CAMTA1: variants seen among roughly 807,000 people sequenced by gnomAD.
The protein encoded by CAMTA1 is calmodulin-binding transcription activator 1.
CAMTA1 carries 27 observed loss-of-function variants against 170.9 expected under a neutral mutation model. The observed-to-expected ratio is 0.16, with a 90% CI of 0.12 to 0.22. The LOEUF is 0.22. Ranked by LOEUF, CAMTA1 falls within the 10% of genes least tolerant of loss-of-function variation. The probability of loss-of-function intolerance (pLI) is 1.00; values close to 1 mark genes in which losing one functional copy is unlikely to be tolerated. For missense variants in CAMTA1, 1,619 were observed against 2,217.2 expected (o/e 0.73, Z 5.42); for synonymous variants, 833 against 891.5 (o/e 0.93, Z 1.17).
rs542599607 is a variant in CAMTA1 at position 7,561,539 on chromosome 1, G to C, written c.511-78861G>C. ...AGAGGTGAGAGAAAGCCTCTTGCCT[G>C]TAAACTCGTTGCAGGCGCAGGGATG... On this transcript the variant is annotated intron_variant, in intron 6 of 22. Transcript: ENST00000303635. This position sits in a 1 kb window ranked among gnomAD's most constrained non-coding sequence, Gnocchi z 5.3. 2.0e-5 allele frequency among the ~76,000 whole-genome samples: 3 copies of C among 152,006 alleles called. No individual in the cohort carries two copies. Among genetic ancestry groups the C allele is most frequent in the African/African-American group, 7.2e-5 (3 of 41,486 alleles).
chr1:7,724,272 GTTTCAAGT>G (rs1417549880), intron 11 of CAMTA1, among the ~76,000 whole-genome samples: 2 of 152,276 alleles, frequency 1.3e-5, no homozygotes, highest in East Asian at 3.9e-4. Context: ...GCTAAAATCG[GTTTCAAGT>G]CTTTAATTTA....
intron 1 of CAMTA1, among the ~76,000 whole-genome samples, chr1:6,817,022 G>A (rs1457943450): frequency 6.6e-6 from 1 of 152,200 alleles, no homozygotes; most frequent in Non-Finnish European, 1.5e-5. Context: ...ATTATGCAGT[G>A]CTGTGGAGAG....
chr1:7,375,016 T>C (rs2086737819), intron 5 of CAMTA1, among the ~76,000 whole-genome samples: 1 of 152,134 alleles, frequency 6.6e-6, no homozygotes, highest in African/African-American at 2.4e-5. Context: ...TGGGCTAACC[T>C]GGTGGATGCG....
At chr1:6,951,723 C>T (rs1228904026) in intron 3 of CAMTA1, among the ~76,000 whole-genome samples, 4 of 152,124 alleles carry the variant, frequency 2.6e-5, no homozygotes, top group Non-Finnish European at 5.9e-5. Flanking sequence ...GTCCAGGGTC[C>T]GGAGCCTTCC....
intron 6 of CAMTA1, among the ~76,000 whole-genome samples, chr1:7,518,600 G>A (rs922768175): frequency 6.6e-6 from 1 of 151,984 alleles, no homozygotes; most frequent in Non-Finnish European, 1.5e-5. Flanking sequence ...CGCCCACACT[G>A]CCCTCAGGAG....
chr1:7,432,152 G>A (rs755219140), intron 5 of CAMTA1, among the ~76,000 whole-genome samples: 11 of 152,296 alleles, frequency 7.2e-5, no homozygotes, highest in African/African-American at 1.7e-4. Context: ...GGGAAGAGCC[G>A]GAGCTGTGAG....
intron 6 of CAMTA1, among the ~76,000 whole-genome samples, chr1:7,492,811 GCGCA>G (rs2093737690): frequency 1.6e-5 from 2 of 121,690 alleles, no homozygotes; most frequent in East Asian, 5.1e-4. Context: ...ATACACATGC[GCGCA>G]CAGACACACA....
intron 5 of CAMTA1, among the ~76,000 whole-genome samples, chr1:7,365,276 G>A (rs1042745786): frequency 2.6e-5 from 4 of 152,216 alleles, no homozygotes; most frequent in Non-Finnish European, 5.9e-5. Context: ...ACCCATTCAG[G>A]CATCAGAAAA....
At chr1:7,546,293 A>G (rs2094692328) in intron 6 of CAMTA1, among the ~76,000 whole-genome samples, 1 of 152,186 alleles carries the variant, frequency 6.6e-6, no homozygotes, top group African/African-American at 2.4e-5. Flanking sequence ...TGAGGATAAC[A>G]GCTTCCAGTT....
At chr1:7,660,890 G>A (rs1401350819) in intron 7 of CAMTA1, among the ~76,000 whole-genome samples, 3 of 152,220 alleles carry the variant, frequency 2.0e-5, no homozygotes, top group South Asian at 4.1e-4. Context: ...TCCATGTGCC[G>A]GACTCAGGAC....
intron 6 of CAMTA1, among the ~76,000 whole-genome samples, chr1:7,493,594 T>C (rs2796484): frequency 0.62 from 93,498 of 151,786 alleles, 29,672 homozygotes; most frequent in African/African-American, 0.77. Flanking sequence ...GATCCTTCTC[T>C]GACCTTTCTT....
intron 5 of CAMTA1, among the ~76,000 whole-genome samples, chr1:7,385,364 CA>C (rs1197633398): frequency 6.6e-6 from 1 of 152,178 alleles, no homozygotes; most frequent in Non-Finnish European, 1.5e-5. Context: ...GCAATATTTC[CA>C]GAACAAATAC....
chr1:7,520,059 T>TA (rs2094339907), intron 6 of CAMTA1, among the ~76,000 whole-genome samples: 1 of 149,442 alleles, frequency 6.7e-6, no homozygotes, highest in African/African-American at 2.5e-5. Flanking sequence ...GCAACTCCCC[T>TA]AGCAGAGCTC....
intron 4 of CAMTA1, among the ~76,000 whole-genome samples, chr1:7,164,615 C>T (rs1346087825): frequency 6.6e-6 from 1 of 152,220 alleles, no homozygotes; most frequent in Non-Finnish European, 1.5e-5. Context: ...CTGGTCAGAT[C>T]TCACAGGAAA....
rs74051097 is a variant in CAMTA1 at position 7,044,816 on chromosome 1, C to A, written c.235-46488C>A. Among the ~76,000 whole-genome samples, 287 of 151,508 alleles carry A rather than the reference C, an allele frequency of 1.9e-3. 1 individual carries two copies. Among genetic ancestry groups the A allele is most frequent in the African/African-American group, 6.8e-3 (282 of 41,256 alleles). The stretch of plus-strand genomic sequence containing the variant: ...CTCACGTCCTCTCCCCCACTCCCTC[C>A]TCTTCCCGCCTGTGGTTTTCTTTCC... On this transcript the variant is annotated intron_variant, in intron 3 of 22. Coordinates refer to ENST00000303635, the MANE Select transcript of CAMTA1 (RefSeq NM_015215.4). The surrounding 1 kb of genome is among the most constrained non-coding windows in gnomAD (Gnocchi z 5.0).
At chr1:7,119,692 C>G (rs1644533991) in intron 4 of CAMTA1, among the ~76,000 whole-genome samples, 1 of 152,176 alleles carries the variant, frequency 6.6e-6, no homozygotes, top group Non-Finnish European at 1.5e-5. Context: ...GACTGAATTT[C>G]TACCTTTGGA....
At chr1:7,217,643 T>G (rs1400584944) in intron 4 of CAMTA1, among the ~76,000 whole-genome samples, 1 of 152,136 alleles carries the variant, frequency 6.6e-6, no homozygotes, top group African/African-American at 2.4e-5. Flanking sequence ...ATATAAGAAA[T>G]TCTCATTTTT....
intron 6 of CAMTA1, among the ~76,000 whole-genome samples, chr1:7,493,998 G>A (rs1031911352): frequency 5.9e-5 from 9 of 152,262 alleles, no homozygotes; most frequent in Middle Eastern, 3.4e-3. Context: ...GAGGGCTAGC[G>A]GGGTAATTTA....
In CAMTA1 at chr1:7,189,434, A is replaced by G. The variant is rs147566284; in HGVS notation, c.303-60057A>G. 3.1e-3 allele frequency among the ~76,000 whole-genome samples: 465 copies of G among 152,364 alleles called. 2 individuals are homozygous for G. The highest frequency in any genetic ancestry group is 4.3e-3 in the Non-Finnish European group (292 of 68,040). ...TACAGTGAACTCAAACAAATTAGCA[A>G]GAAGAAAACAAACAATCCCATCAGA... On this transcript the variant is annotated intron_variant, in intron 4 of 22. Coordinates refer to ENST00000303635, the MANE Select transcript of CAMTA1 (RefSeq NM_015215.4).
Sources: gnomAD v4.1 joint callset for allele counts (sites outside exome capture counted in the v4.1 genomes callset) on GRCh38, gnomAD v4.1.1 for gene constraint, Gnocchi (gnomAD v3.1) non-coding constraint, MANE v1.5 for transcripts, NCBI Gene and HGNC (gene_info 2026-07-23, HGNC 2026-07-21) for gene names.